Variants in FSTL5 observed in about 807,000 individuals in gnomAD.
FSTL5 encodes follistatin like 5.
In FSTL5, 62 loss-of-function variants were observed where a neutral mutation model predicts 89.1. That is an observed-to-expected ratio of 0.70 (90% CI 0.57 to 0.86). The LOEUF is 0.86. FSTL5 is among the 40% of genes least tolerant of loss of function. The pLI is 0.00. For synonymous variants in FSTL5, 383 were observed against 346.2 expected, an observed-to-expected ratio of 1.11 and a Z score of -1.18; for missense variants, 1,057 against 1,001.6, an observed-to-expected ratio of 1.06 and a Z score of -0.75.
At chr4:161,593,511 A>G (rs1449011405) in intron 7 of FSTL5, among the ~76,000 whole-genome samples, 1 of 151,568 alleles carries the variant, frequency 6.6e-6, no homozygotes, top group Non-Finnish European at 1.5e-5. Context: ...AGAGAAAGAG[A>G]GAAAGAGATA....
intron 7 of FSTL5, among the ~76,000 whole-genome samples, chr4:161,620,547 T>C (rs1387519219): frequency 6.6e-6 from 1 of 151,924 alleles, no homozygotes; most frequent in Non-Finnish European, 1.5e-5. Flanking sequence ...TCCCAGCTAC[T>C]CGGGAAGCTG....
At chr4:161,438,582 A>G (rs1321635600) in intron 15 of FSTL5, among the ~76,000 whole-genome samples, 1 of 152,194 alleles carries the variant, frequency 6.6e-6, no homozygotes, top group Non-Finnish European at 1.5e-5. Context: ...TGATAAAAGT[A>G]TTTATAAAAT....
intron 6 of FSTL5, among the ~76,000 whole-genome samples, chr4:161,751,790 G>GAA (rs397732732): frequency 8.1e-5 from 12 of 149,036 alleles, no homozygotes; most frequent in African/African-American, 2.0e-4. Flanking sequence ...CAAAAAAAAA[G>GAA]AAAAAAAAAG....
chr4:161,942,519 C>A (rs1315058546), intron 3 of FSTL5, among the ~76,000 whole-genome samples: 4 of 151,920 alleles, frequency 2.6e-5, no homozygotes, highest in Non-Finnish European at 1.5e-5. Context: ...TAATCAAAGA[C>A]CTCCCAATCA....
intron 1 of FSTL5, among the ~76,000 whole-genome samples, chr4:162,115,721 G>A (rs76344364): frequency 0.048 from 7,304 of 152,210 alleles, 368 homozygotes; most frequent in East Asian, 0.27. Context: ...ACTTTAAAAT[G>A]GTGAGGGGGT....
chr4:161,968,969 GCACACA>G (rs34014344), intron 3 of FSTL5, among the ~76,000 whole-genome samples: 1 of 146,902 alleles, frequency 6.8e-6, no homozygotes, highest in Non-Finnish European at 1.5e-5. Context: ...ACTCACATAA[GCACACA>G]CACACACACA....
chr4:161,729,401 C>T (rs1739530017), intron 6 of FSTL5, among the ~76,000 whole-genome samples: 1 of 152,110 alleles, frequency 6.6e-6, no homozygotes, highest in Non-Finnish European at 1.5e-5. Context: ...CAGATGAGAA[C>T]ATTTTATGAT....
chr4:161,399,271 G>A (rs1436786524), intron 15 of FSTL5, among the ~76,000 whole-genome samples: 1 of 152,016 alleles, frequency 6.6e-6, no homozygotes, highest in Non-Finnish European at 1.5e-5. Context: ...CCCCAGAAAC[G>A]TAATTACTAA....
chr4:161,975,846 T>A (rs1357445064), intron 3 of FSTL5, among the ~76,000 whole-genome samples: 2 of 151,162 alleles, frequency 1.3e-5, no homozygotes, highest in African/African-American at 4.8e-5. Context: ...CTGGGCGCAG[T>A]GGCTCAAGCC....
At chr4:161,786,157 T>C (rs748636446) in intron 4 of FSTL5, among the ~76,000 whole-genome samples, 12 of 152,070 alleles carry the variant, frequency 7.9e-5, no homozygotes, top group Admixed American at 1.3e-4. Context: ...TTCTATATAA[T>C]TGTAAATATT....
intron 4 of FSTL5, among the ~76,000 whole-genome samples, chr4:161,827,525 C>T (rs567962367): frequency 4.1e-4 from 63 of 152,282 alleles, no homozygotes; most frequent in African/African-American, 1.4e-3. Flanking sequence ...CAAGAGAACA[C>T]GCCCTTTGTC....
intron 4 of FSTL5, among the ~76,000 whole-genome samples, chr4:161,866,000 G>A (rs1207107585): frequency 2.0e-5 from 3 of 152,142 alleles, no homozygotes; most frequent in Admixed American, 1.3e-4. Flanking sequence ...ACTGCTCACT[G>A]GTGTGAATAC....
chr4:161,642,604 A>G (rs6839822), intron 7 of FSTL5, among the ~76,000 whole-genome samples: 118,938 of 152,096 alleles, frequency 0.78, 46,703 homozygotes, highest in East Asian at 0.93. Flanking sequence ...TTATATTTTA[A>G]TAAAAGTTTC....
At chr4:161,781,651 T>C (rs1486463645) in intron 4 of FSTL5, among the ~76,000 whole-genome samples, 2 of 152,064 alleles carry the variant, frequency 1.3e-5, no homozygotes, top group African/African-American at 4.8e-5. Flanking sequence ...ATACCCTTTT[T>C]CCCCAACACA....
intron 4 of FSTL5, among the ~76,000 whole-genome samples, chr4:161,874,989 C>T (rs903281164): frequency 6.6e-6 from 1 of 152,086 alleles, no homozygotes; most frequent in Admixed American, 6.5e-5. Context: ...TAATTTAAAA[C>T]TGCTTATTTC....
At chr4:162,012,042 A>G (rs1051460377) in intron 3 of FSTL5, among the ~76,000 whole-genome samples, 6 of 152,200 alleles carry the variant, frequency 3.9e-5, no homozygotes, top group African/African-American at 1.4e-4. Flanking sequence ...TACCTAGGCA[A>G]GTACTTTGCA....
At chr4:161,633,821 C>A (rs1300435334) in intron 7 of FSTL5, among the ~76,000 whole-genome samples, 2 of 152,018 alleles carry the variant, frequency 1.3e-5, no homozygotes, top group Admixed American at 1.3e-4. Context: ...TTATTTAATT[C>A]ATTAATCAGA....
chr4:161,766,663 G>A (rs910597015), intron 5 of FSTL5, among the ~76,000 whole-genome samples: 2 of 151,900 alleles, frequency 1.3e-5, no homozygotes, highest in African/African-American at 4.8e-5. Flanking sequence ...ACTGACTTTA[G>A]AAAAATCTGG....
intron 6 of FSTL5, among the ~76,000 whole-genome samples, chr4:161,743,541 C>T (rs1051195700): frequency 5.9e-5 from 9 of 151,880 alleles, no homozygotes; most frequent in Admixed American, 1.3e-4. Flanking sequence ...GGACTCCATG[C>T]GATTCCATAT....
Sources: gnomAD v4.1 joint callset for allele counts (sites outside exome capture counted in the v4.1 genomes callset) on GRCh38, gnomAD v4.1.1 for gene constraint, MANE v1.5 for transcripts, NCBI Gene and HGNC (gene_info 2026-07-23, HGNC 2026-07-21) for gene names.